LAMA1: variants seen among roughly 807,000 people sequenced by gnomAD.
LAMA1 encodes the protein laminin subunit alpha-1.
In LAMA1, 219 loss-of-function variants were observed where a neutral mutation model predicts 348.7. That is an observed-to-expected ratio of 0.63 (90% CI 0.56 to 0.70). The LOEUF (loss-of-function observed/expected upper bound fraction) is 0.70. LAMA1 is among the 30% of genes least tolerant of loss of function. The pLI is 0.00. For missense variants in LAMA1, 3,744 were observed against 3,888.0 expected, an observed-to-expected ratio of 0.96 and a Z score of 0.99; for synonymous variants, 1,487 against 1,491.0, an observed-to-expected ratio of 1.00 and a Z score of 0.06.
chr18:6,967,006 T>A (rs2057636271), intron 48 of LAMA1, among the ~76,000 whole-genome samples: 1 of 152,204 alleles, frequency 6.6e-6, no homozygotes, highest in South Asian at 2.1e-4. Context: ...TTTTCTGGAA[T>A]ATCATGAGGC....
At position 7,072,935 on chromosome 18, in the gene LAMA1, G is replaced by A. The variant is rs569358843; in HGVS notation, c.345+7040C>T. Among the ~76,000 whole-genome samples, 3 of 152,274 alleles carry A rather than the reference G, an allele frequency of 2.0e-5. No individual in the cohort carries two copies. The East Asian group carries it at 5.8e-4, about 29-fold the overall frequency. ...GGTCCTATCAGCCTTGCCCAGCAGC[G>A]GCCCTCTGCCTTGGGCTGTAGCAGC... On this transcript the variant is annotated intron_variant, in intron 3 of 62. Transcript: ENST00000389658.
rs377514465 is a variant in LAMA1, at chr18:7,026,104, C to T, written c.2277G>A (p.Ala759=). ...GGACGCCGGTGGTGTTGTGCGCACA[C>T]GCCTAGGAACATGCACCAGAAGAAT... The part of the protein sequence containing the change: ...AECNVHGVCI[A]CAHNTTGVHC... Residue 759 remains alanine (A), a splice_region_variant and synonymous_variant, in exon 17 of 63, where the codon GCG becomes GCA. Coordinates refer to ENST00000389658, the MANE Select transcript of LAMA1 (RefSeq NM_005559.4). The T allele has an allele frequency of 1.6e-5, 25 of 1,610,812 alleles. No individual in the cohort carries two copies. The highest frequency in any genetic ancestry group is 1.3e-4 in the African/African-American group (10 of 74,876).
intron 1 of LAMA1, among the ~76,000 whole-genome samples, chr18:7,093,409 C>T (rs1310801537): frequency 1.3e-5 from 2 of 151,190 alleles, no homozygotes; most frequent in African/African-American, 2.4e-5. Flanking sequence ...GAGCCAGACT[C>T]GGTCAAAAAA....
intron 3 of LAMA1, among the ~76,000 whole-genome samples, chr18:7,071,451 C>A (rs1184282699): frequency 5.3e-5 from 8 of 152,156 alleles, no homozygotes; most frequent in Non-Finnish European, 1.2e-4. Context: ...GTCATATAAA[C>A]CTCAAACATG....
intron 1 of LAMA1, among the ~76,000 whole-genome samples, chr18:7,098,174 G>A (rs1305456821): frequency 6.6e-6 from 1 of 151,952 alleles, no homozygotes; most frequent in Non-Finnish European, 1.5e-5. Context: ...AGGCTGGAGT[G>A]CAGTGGCGTG....
rs376146127 is a variant in LAMA1, at chr18:7,024,415, C to G, written c.2454G>C (p.Trp818Cys). 1.2e-6 allele frequency: 2 copies of G among 1,614,004 alleles called. No homozygotes were observed. Among genetic ancestry groups the G allele is most frequent in the Non-Finnish European group, 1.7e-6 (2 of 1,180,010 alleles). ...AAGCTCCTGAGTAGCCCGGGGCACA[C>G]CAGTCACAGACCACTTCATCTCCAT... Reference protein sequence around the residue: ...LNDGDEVVCDWCAPGYSGAWC... With the variant: ...LNDGDEVVCDCCAPGYSGAWC... Residue 818 changes from tryptophan (W) to cysteine (C), a missense_variant, in exon 18 of 63, where the codon TGG becomes TGC. By Grantham distance (215) the Trp-to-Cys change is radical. Around this residue, in one of 3 missense-constraint regions of LAMA1, gnomAD observed 1,529 missense variants for 1,689.4 expected, o/e 0.91. Transcript: ENST00000389658.
intron 29 of LAMA1, among the ~76,000 whole-genome samples, chr18:7,005,895 C>T (rs1245756727): frequency 6.6e-6 from 1 of 152,078 alleles, no homozygotes; most frequent in Admixed American, 6.6e-5. Context: ...AGAGGGAAAA[C>T]CAGAATCAAA....
chr18:7,080,456 G>T lies in LAMA1; in HGVS notation c.63C>A (p.Gly21=), dbSNP rs2143783358. Residue 21 remains glycine, a splice_region_variant and synonymous_variant, in exon 2 of 63, where the codon GGC becomes GGA. Transcript: ENST00000389658. ...LCVAAQCRQR[G]LFPAILNLAS... Reference sequence around the variant, plus strand: ...CAAGATTGAGAATGGCAGGAAACAGGCCTGAAAGTGAAAATTTACCAAATC... The same window carrying T: ...CAAGATTGAGAATGGCAGGAAACAGTCCTGAAAGTGAAAATTTACCAAATC... 1.2e-6 allele frequency: 2 copies of T among 1,614,126 alleles called. No individual in the cohort carries two copies. Among genetic ancestry groups the T allele is most frequent in the East Asian group, 4.5e-5 (2 of 44,878 alleles).
chr18:6,999,837 T>C lies in LAMA1; in HGVS notation c.4469+74A>G, dbSNP rs1028087656. 1.1e-4 allele frequency: 147 copies of C among 1,379,846 alleles called. 1 individual carries two copies. The highest frequency in any genetic ancestry group is 5.5e-4 in the East Asian group (24 of 43,884). 85.5% of individuals were successfully genotyped at this position (1,379,846 alleles called of 1,614,324 possible). The stretch of plus-strand genomic sequence containing the variant: ...ATTGATAATGGCTCCCAGATTACTA[T>C]AGTAAATATGCCCAATACCTTATAA... On this transcript the variant is annotated intron_variant, in intron 31 of 62. Coordinates refer to ENST00000389658, the MANE Select transcript of LAMA1 (RefSeq NM_005559.4).
chr18:7,046,277 C>A lies in LAMA1; in HGVS notation c.858+1G>T, dbSNP rs141914419. ...GTAAAATGTGAAATACTAGAACTCA[C>A]CTTTGTAGTTTCATCCCATGGGCAG... On this transcript the variant is annotated splice_donor_variant, in intron 6 of 62. Transcript: ENST00000389658. LOFTEE classifies it high-confidence loss of function. 1.9e-4 allele frequency: 311 copies of A among 1,598,018 alleles called. 1 individual carries two copies. The highest frequency in any genetic ancestry group is 2.4e-4 in the Non-Finnish European group (282 of 1,165,994).
At position 6,964,716 on chromosome 18, in the gene LAMA1, C is replaced by T. The variant is rs775008168; in HGVS notation, c.7283G>A (p.Arg2428His). Reference sequence around the variant, plus strand: ...CACATAAATCGGGTCCTTGTCTAGGCGGTTGAGGTCAGAAGATGCTCCCGG... The same window carrying T: ...CACATAAATCGGGTCCTTGTCTAGGTGGTTGAGGTCAGAAGATGCTCCCGG... ...ETPGASSDLNRLDKDPIYVGG... is the reference protein window; with the variant it reads ...ETPGASSDLNHLDKDPIYVGG... Residue 2428 changes from arginine to histidine, a missense_variant, in exon 51 of 63, where the codon CGC becomes CAC. By Grantham distance (29) the Arg-to-His change is conservative. This residue lies in a region of LAMA1 where 1,983 missense variants were observed against 1,934.3 expected (regional missense o/e 1.03). Coordinates refer to ENST00000389658, the MANE Select transcript of LAMA1 (RefSeq NM_005559.4). 6.3e-5 allele frequency: 101 copies of T among 1,613,958 alleles called. No individual in the cohort carries two copies. The highest frequency in any genetic ancestry group is 7.5e-5 in the Non-Finnish European group (89 of 1,180,018).
intron 1 of LAMA1, among the ~76,000 whole-genome samples, chr18:7,102,591 C>T (rs1408239423): frequency 6.6e-6 from 1 of 152,102 alleles, no homozygotes; most frequent in Non-Finnish European, 1.5e-5. Context: ...GATACTATCC[C>T]ACAGCAATAA....
chr18:6,998,625 A>G (rs2057793399), intron 32 of LAMA1, among the ~76,000 whole-genome samples: 1 of 152,238 alleles, frequency 6.6e-6, no homozygotes. Context: ...CTCCAATGCC[A>G]TGGTCCTAAC....
At chr18:7,098,780 G>A (rs1246427262) in intron 1 of LAMA1, among the ~76,000 whole-genome samples, 2 of 125,648 alleles carry the variant, frequency 1.6e-5, no homozygotes, top group African/African-American at 3.0e-5. Flanking sequence ...GCCTCTGCCC[G>A]GCCACCCCTA....
Position 7,012,124 on chromosome 18 carries a change from A to G in LAMA1, c.3378T>C (p.Gly1126=), listed in dbSNP as rs9946794. The change falls in exon 24 of 63, where the codon GGT becomes GGC. Residue 1126 remains glycine, a synonymous_variant. Transcript: ENST00000389658. The stretch of plus-strand genomic sequence containing the variant: ...CCTCTCGACATTCGTTGCACTGAGG[A>G]CCAAAGACATTTTCCTACAGGGGAG... ...GACPCKENVF[G]PQCNECREGT... The G allele has an allele frequency of 0.39, 622,596 of 1,612,746 alleles. 129,399 individuals are homozygous for G. The highest frequency in any genetic ancestry group is 0.77 in the African/African-American group (58,087 of 74,980).
intron 1 of LAMA1, among the ~76,000 whole-genome samples, chr18:7,087,245 AATCTATC>A (rs2058221457): frequency 2.0e-5 from 3 of 152,228 alleles, no homozygotes; most frequent in African/African-American, 7.2e-5. Flanking sequence ...CAAGTCTTTA[AATCTATC>A]CCTTCATAGG....
intron 3 of LAMA1, among the ~76,000 whole-genome samples, chr18:7,069,543 C>G (rs2058137505): frequency 6.6e-6 from 1 of 152,164 alleles, no homozygotes; most frequent in Middle Eastern, 3.2e-3. Context: ...ACCTGAGTGA[C>G]TGGGTGGCTC....
At chr18:7,098,275 T>C (rs2058271564) in intron 1 of LAMA1, among the ~76,000 whole-genome samples, 1 of 152,204 alleles carries the variant, frequency 6.6e-6, no homozygotes, top group South Asian at 2.1e-4. Context: ...TGCCACCCCG[T>C]CTGGGAAGTG....
intron 3 of LAMA1, among the ~76,000 whole-genome samples, chr18:7,073,563 T>C (rs1328425850): frequency 1.3e-5 from 2 of 152,214 alleles, no homozygotes; most frequent in African/African-American, 2.4e-5. Context: ...CCAGGGTACA[T>C]ACATGCTGTG....
Sources: allele counts gnomAD v4.1 joint callset (sites outside exome capture counted in the v4.1 genomes callset), GRCh38; gene constraint gnomAD v4.1.1; regional missense constraint gnomAD v4.1.1; transcripts MANE v1.5; gene names NCBI Gene and HGNC (gene_info 2026-07-23, HGNC 2026-07-21).